Variants in BAZ2B observed in about 807,000 individuals in gnomAD.
The protein encoded by BAZ2B is bromodomain adjacent to zinc finger domain protein 2B.
Under a neutral mutation model 246.0 loss-of-function variants are expected in BAZ2B, and 91 were observed. The ratio of observed to expected loss-of-function variants is 0.37; its 90% CI spans 0.31 to 0.44. The LOEUF is 0.44. Ranked by LOEUF, BAZ2B falls within the 20% of genes least tolerant of loss-of-function variation. The pLI is 1.00. For synonymous variants in BAZ2B, 855 were observed against 860.0 expected (o/e 0.99, Z 0.10); for missense variants, 2,332 against 2,533.7 (o/e 0.92, Z 1.71).
rs575512101 is a variant in BAZ2B at position 159,496,779 on chromosome 2, G to T, written c.-2-18058C>A. Among the ~76,000 whole-genome samples, 8 of 60,172 alleles carry T rather than the reference G, an allele frequency of 1.3e-4. No homozygotes were observed. In the East Asian group the frequency reaches 3.3e-3, roughly 25 times the overall value. 39.5% of individuals were successfully genotyped at this position (60,172 alleles called of 152,430 possible). On this transcript the variant is annotated intron_variant, in intron 2 of 36. Coordinates refer to ENST00000392783, the MANE Select transcript of BAZ2B (RefSeq NM_013450.4). The stretch of plus-strand genomic sequence containing the variant: ...GCCTGGGCAACAAGAGGGAAACTCC[G>T]TCTCAAAAAAAAAAAAAAAAAAAAA...
chr2:159,356,848 G>A (rs1017910245), intron 27 of BAZ2B, among the ~76,000 whole-genome samples: 3 of 152,140 alleles, frequency 2.0e-5, no homozygotes, highest in Non-Finnish European at 4.4e-5. Flanking sequence ...GTCTGGAGTG[G>A]ACCTCCAGCA....
At chr2:159,601,925 T>C (rs1389836608) in intron 1 of BAZ2B, among the ~76,000 whole-genome samples, 2 of 152,278 alleles carry the variant, frequency 1.3e-5, no homozygotes, top group East Asian at 3.9e-4. Context: ...AAGTTACAAA[T>C]ACTAAAGGTG....
At chr2:159,522,856 T>A (rs933857129) in intron 2 of BAZ2B, among the ~76,000 whole-genome samples, 4 of 152,114 alleles carry the variant, frequency 2.6e-5, no homozygotes, top group African/African-American at 7.2e-5. Context: ...AAGCCTACTT[T>A]TACTAGTACA....
chr2:159,357,346 C>T (rs941230149), intron 27 of BAZ2B, among the ~76,000 whole-genome samples: 37 of 150,676 alleles, frequency 2.5e-4, no homozygotes, highest in African/African-American at 8.6e-4. Context: ...TATCAACAGC[C>T]GAATCAAGCA....
At chr2:159,579,108 C>T (rs530138539) in intron 1 of BAZ2B, among the ~76,000 whole-genome samples, 15 of 152,154 alleles carry the variant, frequency 9.9e-5, no homozygotes, top group South Asian at 2.1e-4. Flanking sequence ...CACAAAAAAA[C>T]CCTTCAAAAA....
intron 3 of BAZ2B, 103 bp from the exon 4 acceptor site, chr2:159,453,904 C>T (rs1196390941): frequency 1.9e-6 from 2 of 1,050,218 alleles, no homozygotes; most frequent in Non-Finnish European, 2.5e-6. Flanking sequence ...TTACCTATTA[C>T]ATTTTTATTT....
At chr2:159,656,534 T>G in the BAZ2B span, among the ~76,000 whole-genome samples, 1 of 152,296 alleles carries the variant, frequency 6.6e-6, no homozygotes, top group Admixed American at 6.5e-5. Context: ...CTGCTCTTTT[T>G]ATTGTCTCCA....
At chr2:159,545,988 C>T (rs970121578) in intron 2 of BAZ2B, among the ~76,000 whole-genome samples, 1 of 152,146 alleles carries the variant, frequency 6.6e-6, no homozygotes, top group African/African-American at 2.4e-5. Context: ...TCCAAATATG[C>T]ACATAAAAGC....
chr2:159,524,062 C>T (rs112117194), intron 2 of BAZ2B, among the ~76,000 whole-genome samples: 8 of 152,222 alleles, frequency 5.3e-5, no homozygotes, highest in African/African-American at 1.4e-4. Flanking sequence ...AATTTACACT[C>T]AGCAAAATTT....
At chr2:159,442,893 A>G (rs2073683195) in intron 6 of BAZ2B, among the ~76,000 whole-genome samples, 1 of 152,196 alleles carries the variant, frequency 6.6e-6, no homozygotes, top group African/African-American at 2.4e-5. Flanking sequence ...GTATGTGTAC[A>G]CATGTGCCTC....
rs536115420 is a variant in BAZ2B, at chr2:159,376,906, G to A, written c.4006-2153C>T. On this transcript the variant is annotated intron_variant, in intron 25 of 36. Transcript: ENST00000392783. ...AGGTAGTAGCAGCAACAACAACTAAGAACACAGAATCTATCCCAGTCACAG... is the reference window on the plus strand; with the variant it reads ...AGGTAGTAGCAGCAACAACAACTAAAAACACAGAATCTATCCCAGTCACAG... Among the ~76,000 whole-genome samples, 22 of 152,130 alleles carry A rather than the reference G, an allele frequency of 1.4e-4. No homozygotes were observed. The South Asian group carries it at 4.6e-3, about 32-fold the overall frequency.
intron 2 of BAZ2B, among the ~76,000 whole-genome samples, chr2:159,504,127 A>AT (rs147674753): frequency 5.3e-5 from 8 of 149,700 alleles, no homozygotes; most frequent in Non-Finnish European, 7.4e-5. Context: ...AGGCCTCTTA[A>AT]TTTTTTTTTT....
At chr2:159,383,035 TA>T (rs954521676) in intron 24 of BAZ2B, among the ~76,000 whole-genome samples, 23 of 151,702 alleles carry the variant, frequency 1.5e-4, no homozygotes, top group Admixed American at 4.6e-4. Flanking sequence ...TTAGACTCAT[TA>T]AAAAAAATGA....
At chr2:159,521,506 G>T (rs996767453) in intron 2 of BAZ2B, among the ~76,000 whole-genome samples, 5 of 151,992 alleles carry the variant, frequency 3.3e-5, no homozygotes, top group African/African-American at 1.2e-4. Context: ...AATGAGATTT[G>T]CTAATGAAAT....
intron 27 of BAZ2B, among the ~76,000 whole-genome samples, chr2:159,366,300 C>G (rs1198139031): frequency 6.6e-6 from 1 of 152,200 alleles, no homozygotes; most frequent in African/African-American, 2.4e-5. Context: ...GTGTTAACCC[C>G]AGAAAAACAT....
the BAZ2B span, among the ~76,000 whole-genome samples, chr2:159,699,188 GT>G: frequency 2.0e-5 from 3 of 152,136 alleles, no homozygotes; most frequent in African/African-American, 7.2e-5. Context: ...TTCCTTGGAA[GT>G]TTTTGGATTG....
chr2:159,347,385 T>C (rs1421486566), intron 31 of BAZ2B, 101 bp downstream of exon 31: 1 of 1,318,360 alleles, frequency 7.6e-7, no homozygotes, highest in East Asian at 2.3e-5. Context: ...TGAGACAAAA[T>C]AAAAACATTT....
intron 3 of BAZ2B, among the ~76,000 whole-genome samples, chr2:159,475,769 T>G (rs1422963023): frequency 6.6e-6 from 1 of 152,230 alleles, no homozygotes; most frequent in Non-Finnish European, 1.5e-5. Context: ...ATATTGATGC[T>G]ATTCCTTTCT....
intron 13 of BAZ2B, among the ~76,000 whole-genome samples, chr2:159,417,965 A>C (rs2068056461): frequency 6.6e-6 from 1 of 152,240 alleles, no homozygotes; most frequent in Admixed American, 6.5e-5. Context: ...CTAGAAAGAG[A>C]GATGAATAGT....
Sources: allele counts gnomAD v4.1 joint callset (sites outside exome capture counted in the v4.1 genomes callset), GRCh38; gene constraint gnomAD v4.1.1; transcripts MANE v1.5; gene names NCBI Gene and HGNC (gene_info 2026-07-23, HGNC 2026-07-21).